The following ZHX3 variants were observed in gnomAD, a reference collection of about 807,000 sequenced individuals.
ZHX3 encodes zinc fingers and homeoboxes protein 3.
In ZHX3, 20 loss-of-function variants were observed where a neutral mutation model predicts 64.5. That is an observed-to-expected ratio of 0.31 (90% CI 0.22 to 0.45). The LOEUF is 0.45. Ranked by LOEUF, ZHX3 falls within the 20% of genes least tolerant of loss-of-function variation. ZHX3 has a pLI of 1.00. For missense variants in ZHX3, 1,041 were observed against 1,195.8 expected (o/e 0.87, Z 1.91); for synonymous variants, 423 against 461.6 (o/e 0.92, Z 1.07).
At chr20:41,243,541 A>G (rs1343171401) in intron 2 of ZHX3, among the ~76,000 whole-genome samples, 1 of 152,230 alleles carries the variant, frequency 6.6e-6, no homozygotes, top group Non-Finnish European at 1.5e-5. Context: ...AATAAAGCTC[A>G]GGAAAGTTAT....
At chr20:41,313,228 C>A (rs1312500419) in intron 1 of ZHX3, among the ~76,000 whole-genome samples, 1 of 152,094 alleles carries the variant, frequency 6.6e-6, no homozygotes, top group Non-Finnish European at 1.5e-5. Context: ...AATTTCGAAG[C>A]TTGAGAGGGA....
chr20:41,297,148 C>A (rs1311702755), intron 1 of ZHX3, among the ~76,000 whole-genome samples: 1 of 152,196 alleles, frequency 6.6e-6, no homozygotes, highest in Non-Finnish European at 1.5e-5. Context: ...TATCTTGAAT[C>A]AACACAAGGA....
At chr20:41,189,935 A>G (rs1005098744) in intron 3 of ZHX3, among the ~76,000 whole-genome samples, 1 of 143,662 alleles carries the variant, frequency 7.0e-6, no homozygotes, top group Non-Finnish European at 1.5e-5. Context: ...GCTTTTCCCC[A>G]TTCAGTATGA....
intron 1 of ZHX3, among the ~76,000 whole-genome samples, chr20:41,299,588 G>A (rs562339462): frequency 5.3e-5 from 8 of 152,202 alleles, no homozygotes; most frequent in East Asian, 1.9e-4. Flanking sequence ...GAGGCTAGGT[G>A]CGGTGGCTCA....
intron 1 of ZHX3, among the ~76,000 whole-genome samples, chr20:41,296,218 T>A (rs895191781): frequency 8.8e-6 from 1 of 113,040 alleles, no homozygotes; most frequent in African/African-American, 3.4e-5. Context: ...TCCCTTCTCC[T>A]CAAGTTCATA....
At chr20:41,227,071 A>G (rs557594010) in intron 2 of ZHX3, among the ~76,000 whole-genome samples, 1 of 152,328 alleles carries the variant, frequency 6.6e-6, no homozygotes, top group South Asian at 2.1e-4. Flanking sequence ...TACAGCCAGG[A>G]TATTTCTCTG....
At chr20:41,250,296 C>T (rs1198338582) in intron 2 of ZHX3, among the ~76,000 whole-genome samples, 1 of 152,180 alleles carries the variant, frequency 6.6e-6, no homozygotes, top group Non-Finnish European at 1.5e-5. Flanking sequence ...AGCTCACATG[C>T]TGCATCTAAA....
At position 41,201,406 on chromosome 20, in the gene ZHX3, A is replaced by T; in HGVS notation, c.2860+651T>A. On this transcript the variant is annotated intron_variant, in intron 3 of 3. Transcript: ENST00000683867. The surrounding 1 kb of genome is among the most constrained non-coding windows in gnomAD (Gnocchi z 5.0). ...GAACCTAGAAAATCAACACGTAATA[A>T]CATGACTTGTCTGTGGCTTCAAAAC... is the stretch of plus-strand genomic sequence containing the variant. 1 of 1,285,638 alleles carries T rather than the reference A, an allele frequency of 7.8e-7. No individual in the cohort carries two copies. Among genetic ancestry groups the T allele is most frequent in the South Asian group, 1.2e-5 (1 of 80,580 alleles). 79.6% of individuals were successfully genotyped at this position (1,285,638 alleles called of 1,614,324 possible).
rs1031751139 is a variant in ZHX3, at chr20:41,185,349, C to T, written c.2861-148G>A. On this transcript the variant is annotated intron_variant, in intron 3 of 3. Coordinates refer to ENST00000683867, the MANE Select transcript of ZHX3 (RefSeq NM_001384317.1). This position sits in a 1 kb window ranked among gnomAD's most constrained non-coding sequence, Gnocchi z 5.0. Reference sequence around the variant, plus strand: ...AATGAATGGCCTTCTGCCACCCACTCCCCCACCCTCCAGCCTGAGGGAATG... The same window carrying T: ...AATGAATGGCCTTCTGCCACCCACTTCCCCACCCTCCAGCCTGAGGGAATG... The T allele has an allele frequency of 2.1e-6, 2 of 945,198 alleles. No individual in the cohort carries two copies. Among genetic ancestry groups the T allele is most frequent in the Admixed American group, 2.8e-5 (1 of 35,966 alleles). 58.6% of individuals were successfully genotyped at this position (945,198 alleles called of 1,614,324 possible).
At position 41,232,290 on chromosome 20, in the gene ZHX3, TAAA is replaced by T. The variant is rs78969599; in HGVS notation, c.-150-27227_-150-27225del. The stretch of plus-strand genomic sequence containing the variant: ...TTGAAAATGGACTTACGCTGCAGCA[TAAA>T]AAAAAAAAAAAGGTCTAGTTTTAAA... On this transcript the variant is annotated intron_variant, in intron 2 of 3. Coordinates refer to ENST00000683867, the MANE Select transcript of ZHX3 (RefSeq NM_001384317.1). The surrounding 1 kb of genome is among the most constrained non-coding windows in gnomAD (Gnocchi z 5.0). Among the ~76,000 whole-genome samples, 2 of 123,486 alleles carry T rather than the reference TAAA, an allele frequency of 1.6e-5. No homozygotes were observed. Among genetic ancestry groups the T allele is most frequent in the Non-Finnish European group, 3.5e-5 (2 of 56,966 alleles). The allele number at this position is 123,486 out of a possible 152,430, so 81.0% of individuals were successfully genotyped here.
chr20:41,207,378 G>C (rs1466134236), intron 2 of ZHX3, among the ~76,000 whole-genome samples: 4 of 152,068 alleles, frequency 2.6e-5, no homozygotes, highest in Admixed American at 6.6e-5. Context: ...CACCCCAAAT[G>C]AACAGAATAT....
chr20:41,211,178 T>C (rs1248274267), intron 2 of ZHX3, among the ~76,000 whole-genome samples: 1 of 152,188 alleles, frequency 6.6e-6, no homozygotes, highest in Non-Finnish European at 1.5e-5. Context: ...AAAGGGATTC[T>C]GTGAGCCCTA....
At chr20:41,280,732 T>C (rs182278041) in intron 1 of ZHX3, among the ~76,000 whole-genome samples, 9 of 152,148 alleles carry the variant, frequency 5.9e-5, no homozygotes, top group African/African-American at 2.2e-4. Context: ...AATTTCTTAA[T>C]CCTTCAACAG....
chr20:41,276,447 G>A (rs967653290), intron 1 of ZHX3, among the ~76,000 whole-genome samples: 1 of 152,138 alleles, frequency 6.6e-6, no homozygotes. Context: ...AAGGCTCAGC[G>A]TTTTGAATAA....
chr20:41,188,227 T>A (rs1413423165), intron 3 of ZHX3, among the ~76,000 whole-genome samples: 1 of 152,166 alleles, frequency 6.6e-6, no homozygotes, highest in Non-Finnish European at 1.5e-5. Context: ...GTTCTATTAT[T>A]TTTTGTCTTT....
chr20:41,274,949 A>G (rs938620560), intron 1 of ZHX3, among the ~76,000 whole-genome samples: 1 of 152,076 alleles, frequency 6.6e-6, no homozygotes, highest in African/African-American at 2.4e-5. Flanking sequence ...CTGGGGTCAG[A>G]AGTTTGAGAC....
At chr20:41,268,648 C>G (rs2042978597) in intron 2 of ZHX3, among the ~76,000 whole-genome samples, 1 of 152,128 alleles carries the variant, frequency 6.6e-6, no homozygotes, top group African/African-American at 2.4e-5. Flanking sequence ...TGCACTCAAA[C>G]TAAAAGCTGA....
At chr20:41,282,361 C>CTTTTTTTTTTTTTTTTTTTTT (rs568284480) in intron 1 of ZHX3, among the ~76,000 whole-genome samples, 6 of 97,212 alleles carry the variant, frequency 6.2e-5, no homozygotes, top group Non-Finnish European at 9.8e-5. Context: ...CACAATTCAT[C>CTTTTTTTTTTTTTTTTTTTTT]TTTTTTTTTT....
At chr20:41,304,536 G>A (rs769815211) in intron 1 of ZHX3, among the ~76,000 whole-genome samples, 6 of 152,136 alleles carry the variant, frequency 3.9e-5, no homozygotes, top group Non-Finnish European at 7.4e-5. Flanking sequence ...CTCAGTAAGG[G>A]CTCTACAGAG....
Sources: gnomAD v4.1 joint callset for allele counts (sites outside exome capture counted in the v4.1 genomes callset) on GRCh38, gnomAD v4.1.1 for gene constraint, Gnocchi (gnomAD v3.1) non-coding constraint, MANE v1.5 for transcripts, NCBI Gene and HGNC (gene_info 2026-07-23, HGNC 2026-07-21) for gene names.